Variants in SEC61A2 observed in about 807,000 individuals in gnomAD.
SEC61A2 encodes protein transport protein Sec61 subunit alpha isoform 2.
SEC61A2 carries 28 observed loss-of-function variants against 59.9 expected under a neutral mutation model. The observed-to-expected ratio is 0.47, with a 90% CI of 0.35 to 0.64. The LOEUF (loss-of-function observed/expected upper bound fraction) is 0.64, where lower values mean the gene tolerates loss of function less well. Among genes scored for constraint, SEC61A2 ranks in the 30% least tolerant of loss-of-function variants. The probability of loss-of-function intolerance (pLI) is 0.01; values close to 1 mark genes in which losing one functional copy is unlikely to be tolerated. For synonymous variants in SEC61A2, 202 were observed against 214.4 expected, an observed-to-expected ratio of 0.94 and a Z score of 0.50; for missense variants, 340 against 585.9, an observed-to-expected ratio of 0.58 and a Z score of 4.33.
At chr10:12,135,851 T>C (rs1047915062) in intron 2 of SEC61A2, among the ~76,000 whole-genome samples, 2 of 152,242 alleles carry the variant, frequency 1.3e-5, no homozygotes, top group African/African-American at 4.8e-5. Context: ...CATATCTTCT[T>C]TATCCAGTCA....
chr10:12,135,149 G>T (rs377025288), intron 2 of SEC61A2, among the ~76,000 whole-genome samples: 4 of 151,510 alleles, frequency 2.6e-5, no homozygotes, highest in African/African-American at 9.7e-5. Context: ...AGGGGCCTGT[G>T]GGGGTAGGGG....
rs567742233 is a variant in SEC61A2 at position 12,152,377 on chromosome 10, G to A, written c.462+2416G>A. ...TTACAGGCGTGAGCCACCACGCCCCGCCCAGGGCAGGAATTTTTAATGAAA... is the reference window on the plus strand; with the variant it reads ...TTACAGGCGTGAGCCACCACGCCCCACCCAGGGCAGGAATTTTTAATGAAA... On this transcript the variant is annotated intron_variant, in intron 6 of 11. Coordinates refer to ENST00000298428, the MANE Select transcript of SEC61A2 (RefSeq NM_018144.4). The surrounding 1 kb of genome is among the most constrained non-coding windows in gnomAD (Gnocchi z 5.5). Among the ~76,000 whole-genome samples, 2 of 151,232 alleles carry A rather than the reference G, an allele frequency of 1.3e-5. No homozygotes were observed. Among genetic ancestry groups the A allele is most frequent in the Admixed American group, 6.6e-5 (1 of 15,146 alleles).
chr10:12,134,804 G>T (rs1389164813), intron 2 of SEC61A2, among the ~76,000 whole-genome samples: 1 of 151,996 alleles, frequency 6.6e-6, no homozygotes, highest in Admixed American at 6.6e-5. Flanking sequence ...TGTAGTCCCA[G>T]CTTCTCGGGA....
At chr10:12,138,500 G>A (rs1833938560) in intron 3 of SEC61A2, among the ~76,000 whole-genome samples, 1 of 152,154 alleles carries the variant, frequency 6.6e-6, no homozygotes, top group African/African-American at 2.4e-5. Flanking sequence ...GAACACTTCT[G>A]TCATCCCCGA....
chr10:12,169,236 A>ATT, downstream of SEC61A2: 1 of 1,516,554 alleles, frequency 6.6e-7, no homozygotes, highest in Non-Finnish European at 9.0e-7. This position sits in a 1 kb window ranked among gnomAD's most constrained non-coding sequence, Gnocchi z 4.8. Flanking sequence ...CACTTATTCT[A>ATT]TTTTTTTCTC....
In SEC61A2 at chr10:12,153,295, A is replaced by G. The variant is rs763179283; in HGVS notation, c.463-2483A>G. On this transcript the variant is annotated intron_variant, in intron 6 of 11. Coordinates refer to ENST00000298428, the MANE Select transcript of SEC61A2 (RefSeq NM_018144.4). The surrounding 1 kb of genome is among the most constrained non-coding windows in gnomAD (Gnocchi z 5.2). Reference sequence around the variant, plus strand: ...GTTGCCTTCAGTTTTGTTTCTTTACAGCATTTTCTTTCTGCAATCCAGAGT... The same window carrying G: ...GTTGCCTTCAGTTTTGTTTCTTTACGGCATTTTCTTTCTGCAATCCAGAGT... Among the ~76,000 whole-genome samples, 4 of 152,186 alleles carry G rather than the reference A, an allele frequency of 2.6e-5. No individual in the cohort carries two copies. Among genetic ancestry groups the G allele is most frequent in the Non-Finnish European group, 5.9e-5 (4 of 68,026 alleles).
chr10:12,137,492 A>G (rs1362832413), intron 3 of SEC61A2, among the ~76,000 whole-genome samples: 1 of 151,798 alleles, frequency 6.6e-6, no homozygotes, highest in Non-Finnish European at 1.5e-5. Flanking sequence ...TATTGTAGAG[A>G]TGAGGTTTTG....
Position 12,162,136 on chromosome 10 carries a change from C to G in SEC61A2, c.1168-77C>G. 9.2e-7 allele frequency: 1 copy of G among 1,088,118 alleles called. No individual in the cohort carries two copies. The highest frequency in any genetic ancestry group is 1.4e-6 in the Non-Finnish European group (1 of 708,096). 67.4% of individuals were successfully genotyped at this position (1,088,118 alleles called of 1,614,324 possible). On this transcript the variant is annotated intron_variant, in intron 10 of 11. Transcript: ENST00000298428. The surrounding 1 kb of genome is among the most constrained non-coding windows in gnomAD (Gnocchi z 6.1). ...ATGTTACGTGTTAGTGTGTGGCGAGCACTTCGCATAGAACGTGGTAGATGT... is the reference window on the plus strand; with the variant it reads ...ATGTTACGTGTTAGTGTGTGGCGAGGACTTCGCATAGAACGTGGTAGATGT...
rs553423050 is a variant in SEC61A2, at chr10:12,162,423, C to T, written c.1244+134C>T. 2.8e-5 allele frequency: 24 copies of T among 863,688 alleles called. No homozygotes were observed. The highest frequency in any genetic ancestry group is 4.6e-5 in the Non-Finnish European group (23 of 500,094). The allele number at this position is 863,688 out of a possible 1,614,324, so 53.5% of individuals were successfully genotyped here. On this transcript the variant is annotated intron_variant, in intron 11 of 11. Transcript: ENST00000298428. The surrounding 1 kb of genome is among the most constrained non-coding windows in gnomAD (Gnocchi z 6.1). ...CACACAGATGAATCAAAATTTCACA[C>T]AAAACTTGTTTTCCATGTCAAAACC...
At chr10:12,136,432 C>T (rs1833886806) in intron 3 of SEC61A2, among the ~76,000 whole-genome samples, 1 of 151,762 alleles carries the variant, frequency 6.6e-6, no homozygotes, top group Non-Finnish European at 1.5e-5. Flanking sequence ...CTTGGCCTCC[C>T]AAGTAGCTGG....
In SEC61A2 at chr10:12,161,232, G is replaced by T. The variant is rs953280558; in HGVS notation, c.1167+111G>T. ...GCCGCTGGATCGCTTCACCTCAGGA[G>T]TTTTGAGACCAGCCTGGGCAACATA... On this transcript the variant is annotated intron_variant, in intron 10 of 11. Transcript: ENST00000298428. This position sits in a 1 kb window ranked among gnomAD's most constrained non-coding sequence, Gnocchi z 5.4. The T allele has an allele frequency of 1.3e-6, 1 of 787,444 alleles. No individual in the cohort carries two copies. Among genetic ancestry groups the T allele is most frequent in the Non-Finnish European group, 2.0e-6 (1 of 505,350 alleles). 48.8% of individuals were successfully genotyped at this position (787,444 alleles called of 1,614,324 possible). A position where few individuals can be genotyped will look rare whatever the true frequency, so the allele number is the denominator to read the frequency against.
chr10:12,162,092 G>A lies in SEC61A2; in HGVS notation c.1168-121G>A. 1.3e-6 allele frequency: 1 copy of A among 769,438 alleles called. No individual in the cohort carries two copies. Among genetic ancestry groups the A allele is most frequent in the Admixed American group, 2.0e-5 (1 of 49,620 alleles). The allele number at this position is 769,438 out of a possible 1,614,324, so 47.7% of individuals were successfully genotyped here. On this transcript the variant is annotated intron_variant, in intron 10 of 11. Transcript: ENST00000298428. The surrounding 1 kb of genome is among the most constrained non-coding windows in gnomAD (Gnocchi z 6.1). ...GGCTTAATGCGAATGATATGACAAT[G>A]CAACTTTCAGGTTATTGTATGTTAC...
chr10:12,144,466 T>A (rs1834094088), intron 4 of SEC61A2, among the ~76,000 whole-genome samples: 1 of 152,228 alleles, frequency 6.6e-6, no homozygotes, highest in Non-Finnish European at 1.5e-5. Flanking sequence ...ACGCTGTGAT[T>A]TATTTGATCA....
chr10:12,150,571 T>A (rs150464336), intron 6 of SEC61A2, among the ~76,000 whole-genome samples: 2 of 152,252 alleles, frequency 1.3e-5, no homozygotes, highest in African/African-American at 4.8e-5. Flanking sequence ...AAATTAAAAT[T>A]CTTTGCAATA....
chr10:12,145,623 G>C lies in SEC61A2; in HGVS notation c.220+2428G>C, dbSNP rs1834121388. ...TTCTTCTATAAGTGGAGTTTTATTA[G>C]TGTGTTAGATTCCTTTTGTTGTAAG... On this transcript the variant is annotated intron_variant, in intron 4 of 11. Coordinates refer to ENST00000298428, the MANE Select transcript of SEC61A2 (RefSeq NM_018144.4). The surrounding 1 kb of genome is among the most constrained non-coding windows in gnomAD (Gnocchi z 4.4). Among the ~76,000 whole-genome samples the C allele has an allele frequency of 6.6e-6, 1 of 152,154 alleles. No individual in the cohort carries two copies. The highest frequency in any genetic ancestry group is 1.5e-5 in the Non-Finnish European group (1 of 68,030).
At chr10:12,169,493 G>A (rs1355303313), downstream of SEC61A2, 16 of 554,218 alleles carry the variant, frequency 2.9e-5, no homozygotes, top group East Asian at 4.6e-4. This position sits in a 1 kb window ranked among gnomAD's most constrained non-coding sequence, Gnocchi z 4.8. Context: ...GCCTCAAACC[G>A]AGTCGGGCCT....
chr10:12,136,869 A>G (rs1284018241), intron 3 of SEC61A2, among the ~76,000 whole-genome samples: 1 of 152,062 alleles, frequency 6.6e-6, no homozygotes, highest in Non-Finnish European at 1.5e-5. Context: ...ACCTCAAGCT[A>G]TCCACCTTCT....
intron 4 of SEC61A2, among the ~76,000 whole-genome samples, chr10:12,144,151 T>A (rs570401115): frequency 6.6e-6 from 1 of 152,150 alleles, no homozygotes; most frequent in South Asian, 2.1e-4. Context: ...GCAGATTTTT[T>A]TTTGATGTTT....
rs1220985372 is a variant in SEC61A2, at chr10:12,142,640, A to C, written c.142-477A>C. ...AAAGTATAGAAAATATGCCATCTTC[A>C]TCATTTTTAGATGTGCAGTTTAGTA... On this transcript the variant is annotated intron_variant, in intron 3 of 11. Transcript: ENST00000298428. This position sits in a 1 kb window ranked among gnomAD's most constrained non-coding sequence, Gnocchi z 5.4. The C allele has an allele frequency of 2.7e-6, 1 of 372,316 alleles. No individual in the cohort carries two copies. Among genetic ancestry groups the C allele is most frequent in the Non-Finnish European group, 3.7e-6 (1 of 269,544 alleles). 23.1% of individuals were successfully genotyped at this position (372,316 alleles called of 1,614,324 possible). A position where few individuals can be genotyped will look rare whatever the true frequency, so the allele number is the denominator to read the frequency against.
Sources: gnomAD v4.1 joint callset for allele counts (sites outside exome capture counted in the v4.1 genomes callset) on GRCh38, gnomAD v4.1.1 for gene constraint, Gnocchi (gnomAD v3.1) non-coding constraint, MANE v1.5 for transcripts, NCBI Gene and HGNC (gene_info 2026-07-23, HGNC 2026-07-21) for gene names.